Variants in GATA4 observed in about 807,000 individuals in gnomAD.
GATA4 encodes GATA binding protein 4.
GATA4 carries 7 observed loss-of-function variants against 37.9 expected under a neutral mutation model. The observed-to-expected ratio is 0.18, with a 90% CI of 0.11 to 0.35. The LOEUF (loss-of-function observed/expected upper bound fraction) is 0.35, where lower values mean the gene tolerates loss of function less well. Among genes scored for constraint, GATA4 ranks in the 10% least tolerant of loss-of-function variants. The pLI is 1.00. For missense variants in GATA4, 647 were observed against 653.0 expected (o/e 0.99, Z 0.10); for synonymous variants, 372 against 292.6 (o/e 1.27, Z -2.77).
At chr8:11,734,445 A>G (rs573247494) in intron 2 of GATA4, among the ~76,000 whole-genome samples, 6 of 152,312 alleles carry the variant, frequency 3.9e-5, no homozygotes, top group African/African-American at 1.4e-4. Context: ...ATCTCACTGC[A>G]TCCACTCATG....
intron 2 of GATA4, among the ~76,000 whole-genome samples, chr8:11,712,715 A>AAATAG (rs1800248895): frequency 6.8e-6 from 1 of 147,806 alleles, no homozygotes; most frequent in Non-Finnish European, 1.5e-5. Context: ...AAAAAAATTA[A>AAATAG]CTGGGCATGG....
chr8:11,727,022 A>G (rs1266485287), intron 2 of GATA4, among the ~76,000 whole-genome samples: 1 of 151,778 alleles, frequency 6.6e-6, no homozygotes, highest in African/African-American at 2.4e-5. Context: ...CTTCCTGGAG[A>G]GCCCCTTGAG....
chr8:11,729,543 G>A (rs1275042259), intron 2 of GATA4, among the ~76,000 whole-genome samples: 1 of 137,652 alleles, frequency 7.3e-6, no homozygotes, highest in Admixed American at 7.5e-5. Flanking sequence ...GCAACAGTGC[G>A]AGACTGTGTC....
chr8:11,743,339 G>C (rs1361342417), intron 2 of GATA4, among the ~76,000 whole-genome samples: 3 of 152,268 alleles, frequency 2.0e-5, no homozygotes, highest in Admixed American at 6.5e-5. Context: ...TTGAGTTTCA[G>C]GCATTGCTGT....
Position 11,750,227 on chromosome 8 carries a change from G to A in GATA4, c.903G>A (p.Lys301=), listed in dbSNP as rs1585687961. The change falls in exon 4 of 7, where the codon AAG becomes AAA. Residue 301 remains lysine (K), a synonymous_variant. Coordinates refer to ENST00000532059, the MANE Select transcript of GATA4 (RefSeq NM_001308093.3). ...PVCNACGLYM[K]LHGVPRPLAM... ...GCAATGCCTGCGGCCTCTACATGAA[G>A]CTCCACGGGGTACGTGGGTCCTGCG... 3 of 1,613,020 alleles carry A rather than the reference G, an allele frequency of 1.9e-6. No individual in the cohort carries two copies. Among genetic ancestry groups the A allele is most frequent in the Middle Eastern group, 1.6e-4 (1 of 6,062 alleles).
intron 2 of GATA4, among the ~76,000 whole-genome samples, chr8:11,717,786 T>A (rs1800501060): frequency 6.6e-6 from 1 of 152,220 alleles, no homozygotes; most frequent in South Asian, 2.1e-4. Context: ...TACGGAATCT[T>A]CCGTATCATT....
chr8:11,730,896 G>A (rs1052463256), intron 2 of GATA4, among the ~76,000 whole-genome samples: 21 of 152,228 alleles, frequency 1.4e-4, no homozygotes, highest in African/African-American at 4.3e-4. Flanking sequence ...TGTTTGTCTC[G>A]TGTCATCTGC....
At chr8:11,746,503 A>T (rs2130294823) in intron 2 of GATA4, among the ~76,000 whole-genome samples, 1 of 152,322 alleles carries the variant, frequency 6.6e-6, no homozygotes, top group East Asian at 1.9e-4. Context: ...CAATTTTGAG[A>T]TGGTAGCGCC....
chr8:11,709,577 G>GGCGGGGGC lies in GATA4; in HGVS notation c.616+650_616+651insCGGGGGCG, dbSNP rs1554488909. ...GCGTGGGCGCATCATGCGGGCAGCG[G>GGCGGGGGC]GGGGGGGGGCGCACACGCCCGGTCA... On this transcript the variant is annotated intron_variant, in intron 2 of 6. Coordinates refer to ENST00000532059, the MANE Select transcript of GATA4 (RefSeq NM_001308093.3). The surrounding 1 kb of genome is among the most constrained non-coding windows in gnomAD (Gnocchi z 4.3). 7.3e-6 allele frequency among the ~76,000 whole-genome samples: 1 copy of GGCGGGGGC among 136,380 alleles called. No homozygotes were observed. The allele number at this position is 136,380 out of a possible 152,430, so 89.5% of individuals were successfully genotyped here. A position where few individuals can be genotyped will look rare whatever the true frequency, so the allele number is the denominator to read the frequency against.
At chr8:11,734,074 G>T (rs1483205621) in intron 2 of GATA4, among the ~76,000 whole-genome samples, 1 of 152,160 alleles carries the variant, frequency 6.6e-6, no homozygotes, top group Non-Finnish European at 1.5e-5. Flanking sequence ...ATAACTATTT[G>T]TTTGTTACAG....
At chr8:11,746,245 A>C (rs1365123899) in intron 2 of GATA4, among the ~76,000 whole-genome samples, 1 of 152,124 alleles carries the variant, frequency 6.6e-6, no homozygotes, top group African/African-American at 2.4e-5. Context: ...AAAGGAAAAA[A>C]AAAGATAGAA....
chr8:11,722,859 A>G (rs1044122988), intron 2 of GATA4, among the ~76,000 whole-genome samples: 3 of 152,210 alleles, frequency 2.0e-5, no homozygotes, highest in Admixed American at 6.5e-5. Context: ...GTTAGCTGGA[A>G]TTCTTCTATA....
intron 2 of GATA4, among the ~76,000 whole-genome samples, chr8:11,746,532 A>T (rs1320418346): frequency 6.6e-6 from 1 of 152,190 alleles, no homozygotes; most frequent in Admixed American, 6.5e-5. Flanking sequence ...TTTATTGCGA[A>T]CACCCAACAA....
rs1004163897 is a variant in GATA4, at chr8:11,707,615, G to T, written c.-457-241G>T. Among the ~76,000 whole-genome samples, 1 of 152,078 alleles carries T rather than the reference G, an allele frequency of 6.6e-6. No homozygotes were observed. Among genetic ancestry groups the T allele is most frequent in the Non-Finnish European group, 1.5e-5 (1 of 68,006 alleles). ...TCACAACCAATAACTGCACACCAAA[G>T]ACCCGGGAAGCCCCTGGTCCCTGGG... On this transcript the variant is annotated intron_variant, in intron 1 of 6. Coordinates refer to ENST00000532059, the MANE Select transcript of GATA4 (RefSeq NM_001308093.3). The surrounding 1 kb of genome is among the most constrained non-coding windows in gnomAD (Gnocchi z 4.7).
chr8:11,683,872 GC>G (rs1799057023), intron 1 of GATA4, among the ~76,000 whole-genome samples: 1 of 152,220 alleles, frequency 6.6e-6, no homozygotes, highest in Non-Finnish European at 1.5e-5. Flanking sequence ...GGAAACTACA[GC>G]TCCCGGGTGG....
At chr8:11,756,747 G>C in intron 5 of GATA4, 188 bp from the exon 6 acceptor site, 2 of 714,858 alleles carry the variant, frequency 2.8e-6, no homozygotes, top group Non-Finnish European at 4.9e-6. Flanking sequence ...AAGGGTTTGA[G>C]ATGAGATAGG....
chr8:11,680,735 G>A (rs1798939191), intron 1 of GATA4: 1 of 985,230 alleles, frequency 1.0e-6, no homozygotes, highest in Non-Finnish European at 1.2e-6. Context: ...ACCCTGGGCG[G>A]CGAGGAGAGC....
At chr8:11,681,014 C>T (rs748731762) in intron 1 of GATA4, 31 of 941,808 alleles carry the variant, frequency 3.3e-5, no homozygotes, top group Non-Finnish European at 3.8e-5. Context: ...CCCCGAATCC[C>T]ATACCCCAGG....
chr8:11,688,518 G>C (rs1466503456), upstream of GATA4, among the ~76,000 whole-genome samples: 1 of 119,072 alleles, frequency 8.4e-6, no homozygotes, highest in East Asian at 2.0e-4. Flanking sequence ...ATGCGCGTGC[G>C]CGCATGCACA....
Sources: allele counts gnomAD v4.1 joint callset (sites outside exome capture counted in the v4.1 genomes callset), GRCh38; gene constraint gnomAD v4.1.1; non-coding constraint Gnocchi (gnomAD v3.1); transcripts MANE v1.5; gene names NCBI Gene and HGNC (gene_info 2026-07-23, HGNC 2026-07-21).